The following LARP4 variants were observed in gnomAD, a reference collection of about 807,000 sequenced individuals.
LARP4 encodes La ribonucleoprotein 4, also known as la-related protein 4.
Under a neutral mutation model 92.9 loss-of-function variants are expected in LARP4, and 29 were observed. The observed-to-expected ratio is 0.31, with a 90% CI of 0.23 to 0.43. LARP4 has a LOEUF of 0.43. Ranked by LOEUF, LARP4 falls within the 20% of genes least tolerant of loss-of-function variation. The probability of loss-of-function intolerance (pLI) is 1.00; values close to 1 mark genes in which losing one functional copy is unlikely to be tolerated. For missense variants in LARP4, 732 were observed against 860.0 expected (o/e 0.85, Z 1.86); for synonymous variants, 279 against 284.1 (o/e 0.98, Z 0.18).
In LARP4 at chr12:50,430,648, A is replaced by AT. The variant is rs1949510239; in HGVS notation, c.398+80dup. 2.0e-5 allele frequency: 16 copies of AT among 798,820 alleles called. No individual in the cohort carries two copies. The South Asian group carries it at 3.0e-4, about 15-fold the overall frequency. The allele number at this position is 798,820 out of a possible 1,614,324, so 49.5% of individuals were successfully genotyped here. ...GAAATAGAGCGCAAGGATGGTGATT[A>AT]TTATTTAACTAATTTTTTTTTTTAT... On this transcript the variant is annotated intron_variant, in intron 4 of 15. Transcript: ENST00000398473.
intron 13 of LARP4, among the ~76,000 whole-genome samples, chr12:50,470,625 G>A (rs1956824963): frequency 6.6e-6 from 1 of 151,992 alleles, no homozygotes; most frequent in Admixed American, 6.6e-5. Context: ...GTAGAGATGG[G>A]GTTTCACCAT....
At chr12:50,453,202 A>C (rs1403249091) in intron 8 of LARP4, among the ~76,000 whole-genome samples, 1 of 151,538 alleles carries the variant, frequency 6.6e-6, no homozygotes, top group Non-Finnish European at 1.5e-5. Flanking sequence ...GGTGTGAGCC[A>C]GCACACCTGG....
intron 6 of LARP4, 41 bp from the exon 7 acceptor site, chr12:50,440,398 A>G (rs367961126): frequency 7.2e-7 from 1 of 1,387,804 alleles, no homozygotes; most frequent in Non-Finnish European, 1.0e-6. Context: ...CCAATTATTG[A>G]TGTATTTTTT....
chr12:50,432,373 G>C (rs1949790154), intron 4 of LARP4, among the ~76,000 whole-genome samples: 1 of 152,130 alleles, frequency 6.6e-6, no homozygotes, highest in Non-Finnish European at 1.5e-5. Flanking sequence ...TCAGGGCTGA[G>C]CAACAATTTT....
chr12:50,415,528 C>G (rs1257228892), intron 1 of LARP4, among the ~76,000 whole-genome samples: 1 of 152,044 alleles, frequency 6.6e-6, no homozygotes, highest in Admixed American at 6.6e-5. Flanking sequence ...ATATGACATA[C>G]TTTGTATGTT....
chr12:50,419,063 G>A (rs1489594706), intron 1 of LARP4, among the ~76,000 whole-genome samples: 1 of 152,034 alleles, frequency 6.6e-6, no homozygotes, highest in Non-Finnish European at 1.5e-5. Flanking sequence ...ATTTAAGCTG[G>A]TAAAAAAGCA....
rs186927090 is a variant in LARP4, at chr12:50,417,127, A to T, written c.19-10635A>T. Reference sequence around the variant, plus strand: ...GTCTTGCTTTTGAAAATTGATACTTATGCCAGGTATGGTGGCTCACGCCTA... The same window carrying T: ...GTCTTGCTTTTGAAAATTGATACTTTTGCCAGGTATGGTGGCTCACGCCTA... On this transcript the variant is annotated intron_variant, in intron 1 of 15. Transcript: ENST00000398473. Among the ~76,000 whole-genome samples, 193 of 152,060 alleles carry T rather than the reference A, an allele frequency of 1.3e-3. 2 individuals are homozygous for T. Among genetic ancestry groups the T allele is most frequent in the Non-Finnish European group, 2.0e-3 (137 of 67,976 alleles).
At chr12:50,418,306 C>T (rs1188013366) in intron 1 of LARP4, among the ~76,000 whole-genome samples, 2 of 151,892 alleles carry the variant, frequency 1.3e-5, no homozygotes, top group Non-Finnish European at 2.9e-5. Context: ...CTGGCCTAGG[C>T]GTTATGTTCT....
chr12:50,421,288 T>C (rs1947744749), intron 1 of LARP4: 1 of 984,152 alleles, frequency 1.0e-6, no homozygotes, highest in Non-Finnish European at 1.2e-6. Flanking sequence ...TTTGAAAAAA[T>C]CAGTACTAGA....
In LARP4 at chr12:50,443,852, A is replaced by T. The variant is rs569691488; in HGVS notation, c.804+2209A>T. Among the ~76,000 whole-genome samples, 124 of 152,180 alleles carry T rather than the reference A, an allele frequency of 8.1e-4. 3 individuals are homozygous for T. The East Asian group carries it at 0.022, about 27-fold the overall frequency. On this transcript the variant is annotated intron_variant, in intron 8 of 15. Transcript: ENST00000398473. ...GCTCTCGAACTCCTGACCTCAGGTG[A>T]TCCACCCACCTCGGCCTCCCAAAGT...
intron 8 of LARP4, among the ~76,000 whole-genome samples, chr12:50,444,531 C>G (rs545336435): frequency 6.6e-6 from 1 of 152,268 alleles, no homozygotes; most frequent in Admixed American, 6.5e-5. Flanking sequence ...AAGACAGGTG[C>G]AGAAGCAAGG....
intron 13 of LARP4, among the ~76,000 whole-genome samples, chr12:50,470,194 A>G (rs1218365436): frequency 1.1e-4 from 17 of 148,168 alleles, no homozygotes; most frequent in Non-Finnish European, 5.9e-5. Flanking sequence ...ACTGTACTCC[A>G]GCCTGGGTGA....
At chr12:50,453,430 C>G (rs1953641785) in intron 8 of LARP4, 30 bp from the exon 9 acceptor site, 1 of 1,270,574 alleles carries the variant, frequency 7.9e-7, no homozygotes, top group Admixed American at 1.7e-5. Flanking sequence ...ACACTTAATT[C>G]TTTGTTGCTA....
chr12:50,440,375 C>T (rs1374193573), intron 6 of LARP4, 64 bp from the exon 7 acceptor site: 1 of 1,196,622 alleles, frequency 8.4e-7, no homozygotes, highest in Admixed American at 1.7e-5. Context: ...AGTAAACAAA[C>T]CAACAAAAAA....
Position 50,441,625 on chromosome 12 carries a change from T to C in LARP4, c.786T>C (p.Phe262=). The part of the protein sequence containing the change: ...FKYLREEVKT[F]QGKPIMARIK... ...ACTTAAGAGAAGAAGTTAAAACATT[T>C]CAGGGCAAGCCAATTATGGTAAGAA... Residue 262 remains phenylalanine (F), a synonymous_variant, in exon 8 of 16, where the codon TTT becomes TTC. Transcript: ENST00000398473. 3 of 1,603,130 alleles carry C rather than the reference T, an allele frequency of 1.9e-6. No individual in the cohort carries two copies. Among genetic ancestry groups the C allele is most frequent in the African/African-American group, 2.7e-5 (2 of 74,192 alleles).
intron 8 of LARP4, among the ~76,000 whole-genome samples, chr12:50,443,657 G>A (rs914987056): frequency 6.6e-6 from 1 of 151,890 alleles, no homozygotes. Context: ...TACCACCCAG[G>A]CTGGAGTGCA....
At chr12:50,455,325 C>A (rs1023891597) in intron 10 of LARP4, among the ~76,000 whole-genome samples, 3 of 152,218 alleles carry the variant, frequency 2.0e-5, no homozygotes, top group Admixed American at 6.5e-5. Context: ...ACCTTGGCCT[C>A]CCAAATTGCT....
chr12:50,454,355 G>T lies in LARP4; in HGVS notation c.1059G>T (p.Ser353=), dbSNP rs746650104. Reference sequence around the variant, plus strand: ...GTAGTTTTGTGAATGGCTTTAATTCGCCAGGATCTTATAAAACAAATGCTG... The same window carrying T: ...GTAGTTTTGTGAATGGCTTTAATTCTCCAGGATCTTATAAAACAAATGCTG... ...PNGSFVNGFN[S]PGSYKTNAAA... The change falls in exon 10 of 16, where the codon TCG becomes TCT. Residue 353 remains serine (S), a synonymous_variant. Transcript: ENST00000398473. The T allele has an allele frequency of 6.2e-7, 1 of 1,613,004 alleles. No individual in the cohort carries two copies. The highest frequency in any genetic ancestry group is 8.5e-7 in the Non-Finnish European group (1 of 1,179,712).
chr12:50,416,782 G>C (rs1417803083), intron 1 of LARP4, among the ~76,000 whole-genome samples: 2 of 151,502 alleles, frequency 1.3e-5, no homozygotes, highest in Non-Finnish European at 2.9e-5. Flanking sequence ...ATCAAGACCA[G>C]CCTGCACAAC....
Sources: gnomAD v4.1 joint callset for allele counts (sites outside exome capture counted in the v4.1 genomes callset) on GRCh38, gnomAD v4.1.1 for gene constraint, MANE v1.5 for transcripts, NCBI Gene and HGNC (gene_info 2026-07-23, HGNC 2026-07-21) for gene names.